PRKCE: variants seen among roughly 807,000 people sequenced by gnomAD.
PRKCE encodes the protein protein kinase C epsilon.
Under a neutral mutation model 85.4 loss-of-function variants are expected in PRKCE, and 16 were observed. That is an observed-to-expected ratio of 0.19 (90% confidence interval 0.13 to 0.28). The LOEUF (loss-of-function observed/expected upper bound fraction) is 0.28, where lower values mean the gene tolerates loss of function less well. PRKCE is among the 10% of genes least tolerant of loss of function. PRKCE has a pLI of 1.00. For synonymous variants in PRKCE, 388 were observed against 371.5 expected (o/e 1.04, Z -0.51); for missense variants, 573 against 975.2 (o/e 0.59, Z 5.49).
At chr2:46,045,373 C>G (rs899897433) in intron 10 of PRKCE, among the ~76,000 whole-genome samples, 1 of 152,148 alleles carries the variant, frequency 6.6e-6, no homozygotes, top group Admixed American at 6.5e-5. Flanking sequence ...CAATTTTGAC[C>G]GTCCTCTTTG....
At chr2:45,759,374 G>C (rs1332050377) in intron 1 of PRKCE, among the ~76,000 whole-genome samples, 1 of 152,218 alleles carries the variant, frequency 6.6e-6, no homozygotes, top group African/African-American at 2.4e-5. Flanking sequence ...CGTGTGAGAG[G>C]AGGAGCCAGC....
At chr2:46,164,157 C>T (rs910010428) in intron 14 of PRKCE, among the ~76,000 whole-genome samples, 11 of 152,154 alleles carry the variant, frequency 7.2e-5, no homozygotes, top group East Asian at 1.9e-4. Flanking sequence ...GTTTAGATCC[C>T]GACATTGGGA....
At chr2:46,115,196 G>T (rs1057021456) in intron 11 of PRKCE, among the ~76,000 whole-genome samples, 1 of 152,178 alleles carries the variant, frequency 6.6e-6, no homozygotes, top group African/African-American at 2.4e-5. Flanking sequence ...TATCAACTGT[G>T]CAAAGAACAG....
At chr2:45,859,739 C>CATAG (rs1692991344) in intron 2 of PRKCE, among the ~76,000 whole-genome samples, 1 of 152,176 alleles carries the variant, frequency 6.6e-6, no homozygotes, top group South Asian at 2.1e-4. Context: ...TTATCTGATA[C>CATAG]ATAGATATCC....
rs1675522381 is a variant in PRKCE at position 46,141,455 on chromosome 2, A to AAAGAAATTCTTTTTATT, written c.1593-3638_1593-3637insAAGAAATTCTTTTTATT. ...ATGTAAAGTATGATCAAGAGAATAC[A>AAAGAAATTCTTTTTATT]CAGGGCATGAATAAAAAGAAATCGC... is the stretch of plus-strand genomic sequence containing the variant. On this transcript the variant is annotated intron_variant, in intron 11 of 14. Coordinates refer to ENST00000306156, the MANE Select transcript of PRKCE (RefSeq NM_005400.3). Among the ~76,000 whole-genome samples the AAAGAAATTCTTTTTATT allele has an allele frequency of 3.3e-5, 5 of 152,372 alleles. No individual in the cohort carries two copies. The South Asian group carries it at 8.3e-4, about 25-fold the overall frequency.
At chr2:46,151,309 A>ACC (rs1676608013) in intron 13 of PRKCE, 80 bp downstream of exon 13, 5 of 1,162,708 alleles carry the variant, frequency 4.3e-6, no homozygotes, top group Non-Finnish European at 6.1e-6. Context: ...ACACACACAC[A>ACC]CACACACACA....
Position 46,184,847 on chromosome 2 carries a change from G to A in PRKCE, c.2180G>A (p.Gly727Asp), listed in dbSNP as rs745492152. The A allele has an allele frequency of 2.5e-6, 4 of 1,599,780 alleles. No homozygotes were observed. Among genetic ancestry groups the A allele is most frequent in the South Asian group, 2.2e-5 (2 of 91,082 alleles). The change falls in exon 15 of 15, where the codon GGT (glycine) becomes GAT (aspartate). Residue 727 changes from glycine (G) to aspartate (D), a missense_variant. By Grantham distance (94) the Gly-to-Asp change is moderately conservative (BLOSUM62 -1). Transcript: ENST00000306156. The surrounding 1 kb of genome is among the most constrained non-coding windows in gnomAD (Gnocchi z 5.0). ...CAGATCAACCAGGAGGAATTCAAAG[G>A]TTTCTCCTACTTTGGTGAAGACCTG... ...VKQINQEEFK[G>D]FSYFGEDLMP is the part of the protein sequence containing the mutation.
At position 45,742,154 on chromosome 2, in the gene PRKCE, A is replaced by G. The variant is rs1223830936; in HGVS notation, c.348+89706A>G. ...CTGCACGGCAAAGAAAACAATCAAC[A>G]AAACGAAAAGGAAACCCACAGAATG... On this transcript the variant is annotated intron_variant, in intron 1 of 14. Transcript: ENST00000306156. 3.3e-5 allele frequency among the ~76,000 whole-genome samples: 5 copies of G among 152,224 alleles called. No individual in the cohort carries two copies. The South Asian group carries it at 1.0e-3, about 32-fold the overall frequency.
chr2:45,738,037 C>T (rs564120173), intron 1 of PRKCE, among the ~76,000 whole-genome samples: 1 of 152,224 alleles, frequency 6.6e-6, no homozygotes, highest in African/African-American at 2.4e-5. Context: ...TGCCAGCGTC[C>T]TCCTCTCCAC....
chr2:45,850,994 T>C (rs1289525126), intron 2 of PRKCE, among the ~76,000 whole-genome samples: 2 of 152,336 alleles, frequency 1.3e-5, no homozygotes, highest in East Asian at 1.9e-4. Flanking sequence ...GTAAGCATCA[T>C]CGTGTGCTTT....
intron 10 of PRKCE, among the ~76,000 whole-genome samples, chr2:46,081,592 T>C (rs1273650866): frequency 6.6e-6 from 1 of 152,134 alleles, no homozygotes; most frequent in African/African-American, 2.4e-5. Flanking sequence ...GGCAGCTTCC[T>C]GGGAGAAAAG....
chr2:45,898,219 A>C (rs1223998233), intron 2 of PRKCE, among the ~76,000 whole-genome samples: 1 of 152,208 alleles, frequency 6.6e-6, no homozygotes, highest in Non-Finnish European at 1.5e-5. Context: ...GCGAGTTATT[A>C]AGTCCAGCCC....
chr2:45,652,465 C>A lies in PRKCE; in HGVS notation c.348+17C>A. ...GAGGACTGGGTGAGTGCGGCGCCTCCCCGTCATTCCGGGAACCCGGTTGTG... is the reference window on the plus strand; with the variant it reads ...GAGGACTGGGTGAGTGCGGCGCCTCACCGTCATTCCGGGAACCCGGTTGTG... On this transcript the variant is annotated intron_variant, in intron 1 of 14. Transcript: ENST00000306156. The surrounding 1 kb of genome is among the most constrained non-coding windows in gnomAD (Gnocchi z 7.7). 1 of 1,589,710 alleles carries A rather than the reference C, an allele frequency of 6.3e-7. No individual in the cohort carries two copies. Among genetic ancestry groups the A allele is most frequent in the Non-Finnish European group, 8.6e-7 (1 of 1,169,140 alleles).
chr2:46,097,802 C>G (rs1020026612), intron 11 of PRKCE, among the ~76,000 whole-genome samples: 1 of 152,194 alleles, frequency 6.6e-6, no homozygotes, highest in South Asian at 2.1e-4. Context: ...GGGTCCAAAT[C>G]TACTTGAGGC....
chr2:45,756,295 T>G (rs953995618), intron 1 of PRKCE, among the ~76,000 whole-genome samples: 2 of 152,090 alleles, frequency 1.3e-5, no homozygotes, highest in African/African-American at 2.4e-5. Flanking sequence ...AAGAAGAGGA[T>G]TAAGGGTATC....
chr2:46,017,197 A>G (rs1385786616), intron 10 of PRKCE, among the ~76,000 whole-genome samples: 2 of 152,118 alleles, frequency 1.3e-5, no homozygotes, highest in Admixed American at 1.3e-4. Context: ...CTCAATACCC[A>G]TTAAACAGTA....
chr2:45,923,299 G>T (rs982959080), intron 2 of PRKCE, among the ~76,000 whole-genome samples: 2 of 152,202 alleles, frequency 1.3e-5, no homozygotes, highest in African/African-American at 4.8e-5. Flanking sequence ...ACAGCTTTCA[G>T]ATAGGAGATG....
intron 11 of PRKCE, among the ~76,000 whole-genome samples, chr2:46,126,795 C>T (rs1368211657): frequency 1.3e-5 from 2 of 152,110 alleles, no homozygotes; most frequent in African/African-American, 4.8e-5. Context: ...CGTCACAGCC[C>T]TTACTGGGAG....
rs555823990 is a variant in PRKCE at position 46,151,255 on chromosome 2, C to T, written c.1920+26C>T. 184 of 1,559,364 alleles carry T rather than the reference C, an allele frequency of 1.2e-4. No homozygotes were observed. The South Asian group carries it at 1.2e-3, about 10-fold the overall frequency. ...GTGAGTCACTGCCCCTCACCCATGGCTGTGCTCTCCTGGGCTCCTCCCCCT... is the reference window on the plus strand; with the variant it reads ...GTGAGTCACTGCCCCTCACCCATGGTTGTGCTCTCCTGGGCTCCTCCCCCT... On this transcript the variant is annotated intron_variant, in intron 13 of 14. Transcript: ENST00000306156.
Sources: allele counts gnomAD v4.1 joint callset (sites outside exome capture counted in the v4.1 genomes callset), GRCh38; gene constraint gnomAD v4.1.1; non-coding constraint Gnocchi (gnomAD v3.1); transcripts MANE v1.5; gene names NCBI Gene and HGNC (gene_info 2026-07-23, HGNC 2026-07-21).